Variants in OR1F1 observed in about 807,000 individuals in gnomAD.
OR1F1 encodes the protein olfactory receptor 1F1.
For missense variants in OR1F1, 493 were observed against 376.3 expected (o/e 1.31, Z -2.57); for synonymous variants, 184 against 156.7 (o/e 1.17, Z -1.30).
the OR1F1 span, among the ~76,000 whole-genome samples, chr16:3,195,233 C>A: frequency 6.6e-6 from 1 of 152,100 alleles, no homozygotes; most frequent in African/African-American, 2.4e-5. Flanking sequence ...GAGAATCCTC[C>A]CTAAAAAGAC....
the OR1F1 span, chr16:3,189,627 A>T: frequency 6.6e-5 from 10 of 152,070 alleles, no homozygotes; most frequent in African/African-American, 2.2e-4. Flanking sequence ...TAATGCGTAA[A>T]TCGTGTGGCT....
chr16:3,192,601 CG>C, the OR1F1 span, among the ~76,000 whole-genome samples: 1 of 152,320 alleles, frequency 6.6e-6, no homozygotes, highest in African/African-American at 2.4e-5. Context: ...ACAGTCACAG[CG>C]GATTCCAGGG....
chr16:3,194,924 G>C, the OR1F1 span, among the ~76,000 whole-genome samples: 4 of 152,190 alleles, frequency 2.6e-5, no homozygotes, highest in East Asian at 7.7e-4. Flanking sequence ...CCCTTCTTCT[G>C]TGACTTCTGA....
At chr16:3,204,175 T>C (rs957173232), upstream of OR1F1, 9 of 1,200,844 alleles carry the variant, frequency 7.5e-6, no homozygotes, top group Non-Finnish European at 1.1e-5. Flanking sequence ...CTGTGCCCCA[T>C]CTTAACCAGC....
chr16:3,204,668 G>C (rs756880217), exon 1 of OR1F1: 1 of 1,614,146 alleles, frequency 6.2e-7, no homozygotes, highest in South Asian at 1.1e-5. Context: ...CATCAGCTCT[G>C]TGCCCTGCTG....
the OR1F1 span, among the ~76,000 whole-genome samples, chr16:3,193,948 C>T: frequency 2.0e-5 from 3 of 152,136 alleles, no homozygotes; most frequent in African/African-American, 7.2e-5. Context: ...AAGGTACTGG[C>T]CTCCTAAGCC....
chr16:3,189,027 G>A, the OR1F1 span, among the ~76,000 whole-genome samples: 1 of 152,120 alleles, frequency 6.6e-6, no homozygotes, highest in Admixed American at 6.5e-5. Flanking sequence ...GGCTGGTTCA[G>A]TCGATGGAGA....
the OR1F1 span, among the ~76,000 whole-genome samples, chr16:3,196,506 C>T: frequency 6.6e-6 from 1 of 151,822 alleles, no homozygotes; most frequent in Non-Finnish European, 1.5e-5. Flanking sequence ...ACCTCAGCCT[C>T]CTAAGTAGCT....
At chr16:3,204,909 C>G (rs367691573) in exon 1 of OR1F1, 1 of 1,614,050 alleles carries the variant, frequency 6.2e-7, no homozygotes, top group African/African-American at 1.3e-5. Flanking sequence ...ATATGCACAT[C>G]ACCTGCACTG....
the OR1F1 span, among the ~76,000 whole-genome samples, chr16:3,193,058 T>G: frequency 6.6e-6 from 1 of 152,184 alleles, no homozygotes; most frequent in Non-Finnish European, 1.5e-5. Flanking sequence ...TGTCTCAGCC[T>G]TCCGAGTAGT....
At chr16:3,201,496 G>C (rs777228773), upstream of OR1F1, among the ~76,000 whole-genome samples, 6 of 152,144 alleles carry the variant, frequency 3.9e-5, no homozygotes, top group South Asian at 2.1e-4. Flanking sequence ...TTGTCTGCTT[G>C]TTTAATTATT....
chr16:3,203,804 A>G (rs1405014485), upstream of OR1F1, among the ~76,000 whole-genome samples: 1 of 152,178 alleles, frequency 6.6e-6, no homozygotes, highest in Non-Finnish European at 1.5e-5. Context: ...GACTTCACTG[A>G]TAACTGCTTG....
chr16:3,192,004 G>C, the OR1F1 span, among the ~76,000 whole-genome samples: 1 of 152,116 alleles, frequency 6.6e-6, no homozygotes, highest in Non-Finnish European at 1.5e-5. Flanking sequence ...GTTGGTCTAG[G>C]GGTATGATTC....
the OR1F1 span, chr16:3,191,232 T>A: frequency 6.6e-6 from 1 of 152,224 alleles, no homozygotes; most frequent in Non-Finnish European, 1.5e-5. Context: ...TTTCTCTTTC[T>A]GAAAGGAGGA....
At chr16:3,189,441 C>G in the OR1F1 span, among the ~76,000 whole-genome samples, 3 of 152,238 alleles carry the variant, frequency 2.0e-5, no homozygotes, top group African/African-American at 7.2e-5. Context: ...AGCGCCAGGG[C>G]TGCTCCCCAT....
At chr16:3,205,993 T>C (rs561016575), downstream of OR1F1, among the ~76,000 whole-genome samples, 1 of 152,308 alleles carries the variant, frequency 6.6e-6, no homozygotes, top group South Asian at 2.1e-4. Context: ...TGGAGCCATA[T>C]TTTTCTTCTT....
upstream of OR1F1, among the ~76,000 whole-genome samples, chr16:3,200,846 T>C (rs1339356148): frequency 6.6e-6 from 1 of 152,210 alleles, no homozygotes; most frequent in African/African-American, 2.4e-5. Flanking sequence ...CTCACTAGGA[T>C]TACAGGTGTG....
downstream of OR1F1, among the ~76,000 whole-genome samples, chr16:3,205,759 T>C (rs897484737): frequency 6.6e-6 from 1 of 152,218 alleles, no homozygotes; most frequent in East Asian, 1.9e-4. Flanking sequence ...TTCTCATGCC[T>C]GTCTTTACTT....
chr16:3,194,012 A>G, the OR1F1 span, among the ~76,000 whole-genome samples: 25 of 152,310 alleles, frequency 1.6e-4, 1 homozygote, highest in African/African-American at 5.5e-4. Context: ...ACCGTAGGTG[A>G]CTTGGGGTAA....
Sources: gnomAD v4.1 joint callset for allele counts (sites outside exome capture counted in the v4.1 genomes callset) on GRCh38, gnomAD v4.1.1 for gene constraint, MANE v1.5 for transcripts, NCBI Gene and HGNC (gene_info 2026-07-23, HGNC 2026-07-21) for gene names.